The following FGL2 variants were observed in gnomAD, a reference collection of about 807,000 sequenced individuals.
FGL2 encodes fibroleukin.
FGL2 carries 21 observed loss-of-function variants against 36.0 expected under a neutral mutation model. The ratio of observed to expected loss-of-function variants is 0.58; its 90% CI spans 0.41 to 0.84. The LOEUF (loss-of-function observed/expected upper bound fraction) is 0.84. Ranked by LOEUF, FGL2 falls within the 40% of genes least tolerant of loss-of-function variation. The pLI is 0.00. For missense variants in FGL2, 444 were observed against 526.3 expected (o/e 0.84, Z 1.53); for synonymous variants, 183 against 190.7 (o/e 0.96, Z 0.33).
At position 77,196,740 on chromosome 7, in the gene FGL2, C is replaced by T. The variant is rs763617359; in HGVS notation, c.859G>A (p.Asp287Asn). Residue 287 changes from aspartate (D) to asparagine (N), a missense_variant, in exon 2 of 2, where the codon GAT (aspartate) becomes AAT (asparagine). Coordinates refer to ENST00000248598, the MANE Select transcript of FGL2 (RefSeq NM_006682.3). This position sits in a 1 kb window ranked among gnomAD's most constrained non-coding sequence, Gnocchi z 4.2. Reference sequence around the variant, plus strand: ...CTCTTGGTCAGAAGATGAATTTTATCGTTCCCCAGCCAAAATTCCCTTCTG... The same window carrying T: ...CTCTTGGTCAGAAGATGAATTTTATTGTTCCCCAGCCAAAATTCCCTTCTG... ...NLRREFWLGN[D>N]KIHLLTKSKE... The T allele has an allele frequency of 6.2e-6, 10 of 1,614,010 alleles. No homozygotes were observed. The highest frequency in any genetic ancestry group is 1.6e-4 in the Middle Eastern group (1 of 6,084).
At position 77,198,253 on chromosome 7, in the gene FGL2, A is replaced by G. The variant is rs1173004915; in HGVS notation, c.613+928T>C. The G allele has an allele frequency of 5.1e-6, 5 of 985,436 alleles. No individual in the cohort carries two copies. The East Asian group carries it at 3.4e-4, about 67-fold the overall frequency. 61.0% of individuals were successfully genotyped at this position (985,436 alleles called of 1,614,324 possible). On this transcript the variant is annotated intron_variant, in intron 1 of 1. Coordinates refer to ENST00000248598, the MANE Select transcript of FGL2 (RefSeq NM_006682.3). Reference sequence around the variant, plus strand: ...CTGGCAGATGCCCTGGGGATGGAGCATGCCTGAGATACTGTCTCTAAATGA... The same window carrying G: ...CTGGCAGATGCCCTGGGGATGGAGCGTGCCTGAGATACTGTCTCTAAATGA...
Position 77,196,821 on chromosome 7 carries a change from C to T in FGL2, c.778G>A (p.Gly260Arg). Residue 260 changes from glycine to arginine, a missense_variant, in exon 2 of 2, where the codon GGG becomes AGG. Transcript: ENST00000248598. The surrounding 1 kb of genome is among the most constrained non-coding windows in gnomAD (Gnocchi z 4.2). ...CATGTTCTGGTGAAGTTGGTGCTCC[C>T]ATCGAGACGTGCCTGCAGCACTGTC... The part of the protein sequence containing the change: ...GWTVLQARLD[G>R]STNFTRTWQD... 6.2e-7 allele frequency: 1 copy of T among 1,614,100 alleles called. No individual in the cohort carries two copies. The highest frequency in any genetic ancestry group is 8.5e-7 in the Non-Finnish European group (1 of 1,180,012).
chr7:77,199,174 T>C lies in FGL2; in HGVS notation c.613+7A>G, dbSNP rs1791931078. 1 of 1,609,132 alleles carries C rather than the reference T, an allele frequency of 6.2e-7. No individual in the cohort carries two copies. On this transcript the variant is annotated splice_region_variant and intron_variant, in intron 1 of 1. Transcript: ENST00000248598. ...AACATATGATAAGAAAACATTATTA[T>C]ACATACCTGGACGTGACTGTATTTG... is the stretch of plus-strand genomic sequence containing the variant.
chr7:77,198,031 C>G (rs996643684), intron 1 of FGL2: 50 of 677,508 alleles, frequency 7.4e-5, no homozygotes, highest in Non-Finnish European at 8.9e-5. Flanking sequence ...TTATTTCACC[C>G]AAAATGTTTA....
rs543051421 is a variant in FGL2, at chr7:77,193,464, A to C, written c.*2815T>G. The C allele has an allele frequency of 4.6e-5, 7 of 152,334 alleles. No individual in the cohort carries two copies. The South Asian group carries it at 1.5e-3, about 32-fold the overall frequency. The allele number at this position is 152,334 out of a possible 1,614,324, so 9.4% of individuals were successfully genotyped here. ...AAGGTTTTAAAAAGACATGAAACAT[A>C]AACCTAATTATACATAAAAGAAAAG... On this transcript the variant is annotated 3_prime_UTR_variant, in exon 2 of 2. Transcript: ENST00000248598.
At chr7:77,197,670 A>G (rs1168364154) in intron 1 of FGL2, among the ~76,000 whole-genome samples, 2 of 152,224 alleles carry the variant, frequency 1.3e-5, no homozygotes, top group Non-Finnish European at 2.9e-5. Flanking sequence ...TAAAATCCTA[A>G]TGCATAGGAT....
At position 77,199,165 on chromosome 7, in the gene FGL2, A is replaced by T; in HGVS notation, c.613+16T>A. ...ACATTTATGAACATATGATAAGAAA[A>T]CATTATTATACATACCTGGACGTGA... On this transcript the variant is annotated intron_variant, in intron 1 of 1. Transcript: ENST00000248598. 1.9e-6 allele frequency: 3 copies of T among 1,597,334 alleles called. No individual in the cohort carries two copies. Among genetic ancestry groups the T allele is most frequent in the Non-Finnish European group, 2.6e-6 (3 of 1,170,692 alleles).
Position 77,199,396 on chromosome 7 carries a change from A to G in FGL2, c.398T>C (p.Leu133Ser). 1 of 1,614,014 alleles carries G rather than the reference A, an allele frequency of 6.2e-7. No individual in the cohort carries two copies. The highest frequency in any genetic ancestry group is 8.5e-7 in the Non-Finnish European group (1 of 1,179,988). The change falls in exon 1 of 2, where the codon TTA becomes TCA. Residue 133 changes from leucine to serine, a missense_variant. By Grantham distance (145) the Leu-to-Ser change is moderately radical (BLOSUM62 -2). Coordinates refer to ENST00000248598, the MANE Select transcript of FGL2 (RefSeq NM_006682.3). The part of the protein sequence containing the change: ...GEVGDNRVRE[L>S]ESEVNKLSSE... ...GGACAGCTTGTTAACCTCACTCTCT[A>G]ATTCTCTAACTCTGTTATCACCAAC... is the stretch of plus-strand genomic sequence containing the variant.
rs1031796957 is a variant in FGL2 at position 77,195,700 on chromosome 7, A to T, written c.*579T>A. The stretch of plus-strand genomic sequence containing the variant: ...TGAGACAGAGTTTTCTCTGTCACCC[A>T]TGCTGGAGTGCAGTGGCTCAGTCTT... On this transcript the variant is annotated 3_prime_UTR_variant, in exon 2 of 2. Transcript: ENST00000248598. 1 of 152,232 alleles carries T rather than the reference A, an allele frequency of 6.6e-6. No individual in the cohort carries two copies. The highest frequency in any genetic ancestry group is 1.5e-5 in the Non-Finnish European group (1 of 68,088). The allele number at this position is 152,232 out of a possible 1,614,324, so 9.4% of individuals were successfully genotyped here.
At chr7:77,198,390 C>A in intron 1 of FGL2, 1 of 904,546 alleles carries the variant, frequency 1.1e-6, no homozygotes, top group Non-Finnish European at 1.3e-6. Context: ...CCCAGTGACT[C>A]AGGTGAAAAG....
In FGL2 at chr7:77,196,292, T is replaced by A; in HGVS notation, c.1307A>T (p.His436Leu). 1 of 1,612,716 alleles carries A rather than the reference T, an allele frequency of 6.2e-7. No individual in the cohort carries two copies. Among genetic ancestry groups the A allele is most frequent in the South Asian group, 1.1e-5 (1 of 90,950 alleles). Reference sequence around the variant, plus strand: ...GAACAGAGTGATTTATGGCTTAAAGTGCTTGGGTCTGATCATCATCTTAGC... The same window carrying A: ...GAACAGAGTGATTTATGGCTTAAAGAGCTTGGGTCTGATCATCATCTTAGC... ...KEAKMMIRPK[H>L]FKP The change falls in exon 2 of 2, where the codon CAC becomes CTC. Residue 436 changes from histidine to leucine, a missense_variant. His to Leu is a moderately conservative substitution (Grantham distance 99). Transcript: ENST00000248598. This position sits in a 1 kb window ranked among gnomAD's most constrained non-coding sequence, Gnocchi z 4.2.
In FGL2 at chr7:77,199,426, C is replaced by T. The variant is rs1342098236; in HGVS notation, c.368G>A (p.Gly123Glu). Residue 123 changes from glycine (G) to glutamate (E), a missense_variant, in exon 1 of 2, where the codon GGA (glycine) becomes GAA (glutamate). Physicochemically the swap from Gly to Glu is moderately conservative, Grantham distance 98 (BLOSUM62 -2). Transcript: ENST00000248598. Reference protein sequence around the residue: ...GLLLPSTGAPGEVGDNRVREL... With the variant: ...GLLLPSTGAPEEVGDNRVREL... ...TCTAACTCTGTTATCACCAACCTCT[C>T]CCGGGGCTCCTGTACTGGGTAACAA... 6.2e-7 allele frequency: 1 copy of T among 1,614,166 alleles called. No individual in the cohort carries two copies. Among genetic ancestry groups the T allele is most frequent in the South Asian group, 1.1e-5 (1 of 91,086 alleles).
chr7:77,198,051 T>C (rs1791908962), intron 1 of FGL2: 6 of 831,520 alleles, frequency 7.2e-6, no homozygotes, highest in Non-Finnish European at 8.7e-6. Context: ...AGGAGAAAAA[T>C]AGACAATAGT....
Position 77,193,966 on chromosome 7 carries a change from A to G in FGL2, c.*2313T>C, listed in dbSNP as rs1791819636. ...CATGTTAAATGTTATAAAAGTCTAG[A>G]ATTATTGGTAACATGAAATGATTCC... is the stretch of plus-strand genomic sequence containing the variant. On this transcript the variant is annotated 3_prime_UTR_variant, in exon 2 of 2. Coordinates refer to ENST00000248598, the MANE Select transcript of FGL2 (RefSeq NM_006682.3). 2 of 152,694 alleles carry G rather than the reference A, an allele frequency of 1.3e-5. No individual in the cohort carries two copies. The highest frequency in any genetic ancestry group is 6.5e-5 in the Admixed American group (1 of 15,298). The allele number at this position is 152,694 out of a possible 1,614,324, so 9.5% of individuals were successfully genotyped here.
chr7:77,195,652 A>C lies in FGL2; in HGVS notation c.*627T>G, dbSNP rs1791853456. 1 of 152,018 alleles carries C rather than the reference A, an allele frequency of 6.6e-6. No individual in the cohort carries two copies. The highest frequency in any genetic ancestry group is 2.1e-4 in the South Asian group (1 of 4,818). The allele number at this position is 152,018 out of a possible 1,614,324, so 9.4% of individuals were successfully genotyped here. On this transcript the variant is annotated 3_prime_UTR_variant, in exon 2 of 2. Transcript: ENST00000248598. ...CTTTGTGTAGAATCCAGCCTACTGA[A>C]TAAATTTTATTATTTTTTTGTTTGA...
Position 77,199,225 on chromosome 7 carries a change from T to C in FGL2, c.569A>G (p.Lys190Arg), listed in dbSNP as rs1177583727. ...LTFVVNSLDG[K>R]CSKCPSQEQI... is the part of the protein sequence containing the mutation. ...TTCTTGGCTGGGACACTTTGAACAT[T>C]TGCCATCCAAACTATTGACAACAAA... The change falls in exon 1 of 2, where the codon AAA becomes AGA. Residue 190 changes from lysine to arginine, a missense_variant. Coordinates refer to ENST00000248598, the MANE Select transcript of FGL2 (RefSeq NM_006682.3). 2 of 1,614,018 alleles carry C rather than the reference T, an allele frequency of 1.2e-6. No homozygotes were observed. Among genetic ancestry groups the C allele is most frequent in the East Asian group, 2.2e-5 (1 of 44,872 alleles).
At chr7:77,198,040 T>A (rs1315971015) in intron 1 of FGL2, 1 of 748,138 alleles carries the variant, frequency 1.3e-6, no homozygotes, top group Non-Finnish European at 1.6e-6. Flanking sequence ...CCAAAATGTT[T>A]AGGAGAAAAA....
rs752673572 is a variant in FGL2 at position 77,196,395 on chromosome 7, G to A, written c.1204C>T (p.Arg402Cys). ...KYYHQKYRGV[R>C]NGIFWGTWPG... Reference sequence around the variant, plus strand: ...CAGGTACCCCAGAAAATCCCATTACGGACACCTCTGTATTTTTGGTGATAA... The same window carrying A: ...CAGGTACCCCAGAAAATCCCATTACAGACACCTCTGTATTTTTGGTGATAA... The change falls in exon 2 of 2, where the codon CGT (arginine) becomes TGT (cysteine). Residue 402 changes from arginine to cysteine, a missense_variant. Physicochemically the swap from Arg to Cys is radical, Grantham distance 180. Coordinates refer to ENST00000248598, the MANE Select transcript of FGL2 (RefSeq NM_006682.3). The surrounding 1 kb of genome is among the most constrained non-coding windows in gnomAD (Gnocchi z 4.2). The A allele has an allele frequency of 3.7e-6, 6 of 1,613,920 alleles. No individual in the cohort carries two copies. In the African/African-American group the frequency reaches 4.0e-5, roughly 11 times the overall value.
intron 1 of FGL2, among the ~76,000 whole-genome samples, chr7:77,197,303 A>G (rs1438896416): frequency 6.6e-6 from 1 of 152,240 alleles, no homozygotes. Flanking sequence ...TATACGTTCT[A>G]GGCATGCTGC....
Sources: allele counts gnomAD v4.1 joint callset (sites outside exome capture counted in the v4.1 genomes callset), GRCh38; gene constraint gnomAD v4.1.1; non-coding constraint Gnocchi (gnomAD v3.1); transcripts MANE v1.5; gene names NCBI Gene and HGNC (gene_info 2026-07-23, HGNC 2026-07-21).